Variants in TRIO observed in about 807,000 individuals in gnomAD.
The protein encoded by TRIO is triple functional domain protein.
TRIO carries 58 observed loss-of-function variants against 351.9 expected under a neutral mutation model. That is an observed-to-expected ratio of 0.16 (90% CI 0.13 to 0.21). The LOEUF (loss-of-function observed/expected upper bound fraction) is 0.21. TRIO is among the 10% of genes least tolerant of loss of function. The probability of loss-of-function intolerance (pLI) is 1.00; values close to 1 mark genes in which losing one functional copy is unlikely to be tolerated. For missense variants in TRIO, 3,201 were observed against 4,027.8 expected (o/e 0.79, Z 5.56); for synonymous variants, 1,758 against 1,595.7 (o/e 1.10, Z -2.42).
At chr5:14,324,174 G>A (rs989459760) in intron 9 of TRIO, among the ~76,000 whole-genome samples, 2 of 152,156 alleles carry the variant, frequency 1.3e-5, no homozygotes, top group Admixed American at 1.3e-4. Flanking sequence ...AATGTGGGCT[G>A]GCAGGGAGGA....
intron 49 of TRIO, among the ~76,000 whole-genome samples, chr5:14,495,291 CTT>C (rs1756799996): frequency 6.6e-6 from 1 of 152,122 alleles, no homozygotes; most frequent in Non-Finnish European, 1.5e-5. Flanking sequence ...AAAGTGGTCT[CTT>C]GAGATGGAAT....
chr5:14,404,273 G>A (rs1162200443), intron 31 of TRIO, among the ~76,000 whole-genome samples: 3 of 151,994 alleles, frequency 2.0e-5, no homozygotes, highest in African/African-American at 7.3e-5. Flanking sequence ...TAAGTCTTAA[G>A]CAGATTGCGA....
intron 30 of TRIO, among the ~76,000 whole-genome samples, chr5:14,400,268 A>G (rs779489134): frequency 5.3e-5 from 8 of 152,202 alleles, no homozygotes; most frequent in Non-Finnish European, 8.8e-5. Flanking sequence ...TTAGCAGCCA[A>G]TACATCTTCA....
chr5:14,268,569 G>T (rs528345650), intron 1 of TRIO, among the ~76,000 whole-genome samples: 1 of 152,180 alleles, frequency 6.6e-6, no homozygotes, highest in Non-Finnish European at 1.5e-5. Flanking sequence ...GTGGACGTGG[G>T]AATGGTAGGA....
rs115601887 is a variant in TRIO at position 14,262,990 on chromosome 5, T to G, written c.158-7835T>G. ...GCTTTCTTCTCTTCCATGAATGTTTTGTGTTTTTGTTTGTCTACATCTATT... is the reference window on the plus strand; with the variant it reads ...GCTTTCTTCTCTTCCATGAATGTTTGGTGTTTTTGTTTGTCTACATCTATT... On this transcript the variant is annotated intron_variant, in intron 1 of 56. Coordinates refer to ENST00000344204, the MANE Select transcript of TRIO (RefSeq NM_007118.4). Among the ~76,000 whole-genome samples, 753 of 152,332 alleles carry G rather than the reference T, an allele frequency of 4.9e-3. 6 individuals are homozygous for G. The highest frequency in any genetic ancestry group is 0.016 in the African/African-American group (671 of 41,568).
intron 34 of TRIO, among the ~76,000 whole-genome samples, chr5:14,430,141 G>A (rs1750968597): frequency 1.3e-5 from 2 of 150,270 alleles, no homozygotes; most frequent in Non-Finnish European, 2.9e-5. Context: ...TGTATTTATA[G>A]GGAAAAAATC....
chr5:14,439,756 A>G (rs1468621155), intron 34 of TRIO, among the ~76,000 whole-genome samples: 1 of 152,182 alleles, frequency 6.6e-6, no homozygotes, highest in East Asian at 1.9e-4. Flanking sequence ...GGGAAAAACA[A>G]CCTTACGCTT....
At chr5:14,357,677 C>T (rs961053392) in intron 11 of TRIO, among the ~76,000 whole-genome samples, 5 of 152,148 alleles carry the variant, frequency 3.3e-5, no homozygotes, top group East Asian at 1.9e-4. Flanking sequence ...TGGCCAGGCT[C>T]GGTGGTGAAT....
chr5:14,316,339 A>G lies in TRIO; in HGVS notation c.1501-174A>G, dbSNP rs16903389. On this transcript the variant is annotated intron_variant, in intron 8 of 56. Coordinates refer to ENST00000344204, the MANE Select transcript of TRIO (RefSeq NM_007118.4). ...TGTTTTAAATTTTATCCTATATAAA[A>G]CTGCCTCTGAGTAAAACTGTGGTGT... is the stretch of plus-strand genomic sequence containing the variant. 0.1 allele frequency among the ~76,000 whole-genome samples: 15,150 copies of G among 152,200 alleles called. 1,266 individuals carry two copies. The highest frequency in any genetic ancestry group is 0.23 in the African/African-American group (9,466 of 41,492).
At chr5:14,290,600 T>G in intron 4 of TRIO, 116 bp from the exon 5 acceptor site, 1 of 1,093,876 alleles carries the variant, frequency 9.1e-7, no homozygotes, top group East Asian at 2.6e-5. Context: ...TGTTATGTTT[T>G]CTATAAATAG....
chr5:14,504,838 T>G (rs775473376), intron 55 of TRIO, among the ~76,000 whole-genome samples: 24 of 151,814 alleles, frequency 1.6e-4, no homozygotes, highest in Admixed American at 2.0e-4. Flanking sequence ...ACACCTGATA[T>G]GCTCAGCCAA....
chr5:14,226,901 C>CAGCTCTCTTCCTCCCTGGTTTT (rs1554037067), intron 1 of TRIO, among the ~76,000 whole-genome samples: 1 of 151,556 alleles, frequency 6.6e-6, no homozygotes. Flanking sequence ...TCCCTGGTTT[C>CAGCTCTCTTCCTCCCTGGTTTT]TGCAGCTCTC....
chr5:14,211,727 G>T (rs1490964568), intron 1 of TRIO, among the ~76,000 whole-genome samples: 3 of 151,398 alleles, frequency 2.0e-5, no homozygotes, highest in Non-Finnish European at 4.4e-5. Context: ...ACAGAATGTG[G>T]CAATCTTTTT....
At chr5:14,180,016 G>A (rs940617534) in intron 1 of TRIO, among the ~76,000 whole-genome samples, 103 of 140,978 alleles carry the variant, frequency 7.3e-4, no homozygotes, top group Non-Finnish European at 1.1e-4. Flanking sequence ...CTGGAGAATC[G>A]CTTGAACCCA....
At chr5:14,224,051 G>GT (rs1203678366) in intron 1 of TRIO, among the ~76,000 whole-genome samples, 1 of 152,084 alleles carries the variant, frequency 6.6e-6, no homozygotes, top group Non-Finnish European at 1.5e-5. Context: ...TGCAGCCATA[G>GT]TTTTTGATAT....
intron 10 of TRIO, among the ~76,000 whole-genome samples, chr5:14,332,444 A>C (rs1740987286): frequency 6.6e-6 from 1 of 152,184 alleles, no homozygotes; most frequent in Non-Finnish European, 1.5e-5. Context: ...GACATACAGA[A>C]TGTCCCCACG....
intron 1 of TRIO, among the ~76,000 whole-genome samples, chr5:14,218,872 G>A (rs922094894): frequency 7.2e-5 from 11 of 152,246 alleles, no homozygotes; most frequent in Admixed American, 7.2e-4. Flanking sequence ...CTCTGAAGAG[G>A]ACTGGGATGT....
intron 47 of TRIO, among the ~76,000 whole-genome samples, chr5:14,487,080 GGT>G (rs1245146463): frequency 6.6e-6 from 1 of 152,132 alleles, no homozygotes; most frequent in African/African-American, 2.4e-5. Flanking sequence ...GCAGAGCAGA[GGT>G]GGTCTATGAA....
chr5:14,157,373 C>T (rs1218592026), intron 1 of TRIO, among the ~76,000 whole-genome samples: 1 of 150,648 alleles, frequency 6.6e-6, no homozygotes, highest in Non-Finnish European at 1.5e-5. Context: ...TTTTTCTTTT[C>T]TCTCTCTCTT....
Sources: gnomAD v4.1 joint callset for allele counts (sites outside exome capture counted in the v4.1 genomes callset) on GRCh38, gnomAD v4.1.1 for gene constraint, MANE v1.5 for transcripts, NCBI Gene and HGNC (gene_info 2026-07-23, HGNC 2026-07-21) for gene names.